BMP2K: variants seen among roughly 807,000 people sequenced by gnomAD.
The protein encoded by BMP2K is BMP2 inducible kinase.
Under a neutral mutation model 116.0 loss-of-function variants are expected in BMP2K, and 74 were observed. The ratio of observed to expected loss-of-function variants is 0.64; its 90% CI spans 0.53 to 0.77. The LOEUF (loss-of-function observed/expected upper bound fraction) is 0.77. Ranked by LOEUF, BMP2K falls within the 30% of genes least tolerant of loss-of-function variation. The pLI, the probability that BMP2K is intolerant of heterozygous loss-of-function variation, is 0.00. For synonymous variants in BMP2K, 486 were observed against 502.5 expected (o/e 0.97, Z 0.44); for missense variants, 1,365 against 1,403.6 (o/e 0.97, Z 0.44).
chr4:78,877,341 CAT>C (rs1452559923), intron 13 of BMP2K, among the ~76,000 whole-genome samples: 11 of 152,274 alleles, frequency 7.2e-5, no homozygotes, highest in Admixed American at 2.0e-4. Context: ...AAAACACAAA[CAT>C]GTACAACTGT....
chr4:78,817,567 C>T (rs914845686), intron 1 of BMP2K, among the ~76,000 whole-genome samples: 1 of 152,214 alleles, frequency 6.6e-6, no homozygotes, highest in Admixed American at 6.5e-5. Context: ...GTACACCACT[C>T]TGCCAGTACA....
At chr4:78,856,476 T>C (rs1731510235) in intron 7 of BMP2K, among the ~76,000 whole-genome samples, 1 of 152,196 alleles carries the variant, frequency 6.6e-6, no homozygotes, top group Non-Finnish European at 1.5e-5. Flanking sequence ...GTAAATTATA[T>C]TATTTAACTT....
intron 1 of BMP2K, among the ~76,000 whole-genome samples, chr4:78,822,706 A>G (rs967249872): frequency 1.1e-4 from 17 of 152,166 alleles, no homozygotes; most frequent in Admixed American, 5.9e-4. Flanking sequence ...ATATATATGT[A>G]GAGTCTGTGG....
At chr4:78,882,591 T>C (rs1001732423) in intron 14 of BMP2K, among the ~76,000 whole-genome samples, 2 of 151,924 alleles carry the variant, frequency 1.3e-5, no homozygotes, top group Non-Finnish European at 1.5e-5. Flanking sequence ...TAAACAGTAA[T>C]TAGAACATAG....
chr4:78,835,836 A>G (rs999804973), intron 3 of BMP2K, among the ~76,000 whole-genome samples: 6 of 152,242 alleles, frequency 3.9e-5, no homozygotes, highest in Non-Finnish European at 7.4e-5. Flanking sequence ...GACTTAGAAA[A>G]TCAAGGGAAG....
At chr4:78,856,512 T>A (rs1029084075) in intron 7 of BMP2K, among the ~76,000 whole-genome samples, 1 of 151,680 alleles carries the variant, frequency 6.6e-6, no homozygotes, top group Non-Finnish European at 1.5e-5. Context: ...CCTTATTGAT[T>A]TTTTTTCCTT....
At chr4:78,794,522 G>T (rs1728160614) in intron 1 of BMP2K, among the ~76,000 whole-genome samples, 1 of 152,064 alleles carries the variant, frequency 6.6e-6, no homozygotes, top group Non-Finnish European at 1.5e-5. Context: ...TTAAACTTGA[G>T]CATTAATAGT....
At chr4:78,798,115 C>T (rs747605230) in intron 1 of BMP2K, among the ~76,000 whole-genome samples, 16 of 152,212 alleles carry the variant, frequency 1.1e-4, no homozygotes, top group Non-Finnish European at 2.1e-4. Context: ...CTGCATTTGG[C>T]GGGAATGCAT....
At chr4:78,813,319 T>A (rs1340856180) in intron 1 of BMP2K, among the ~76,000 whole-genome samples, 2 of 152,182 alleles carry the variant, frequency 1.3e-5, no homozygotes, top group African/African-American at 2.4e-5. Flanking sequence ...ATTTACTGAT[T>A]TCCCTGCTTC....
chr4:78,911,656 A>T lies in BMP2K; in HGVS notation c.3109A>T (p.Thr1037Ser). 6.2e-7 allele frequency: 1 copy of T among 1,613,906 alleles called. No individual in the cohort carries two copies. The highest frequency in any genetic ancestry group is 8.5e-7 in the Non-Finnish European group (1 of 1,179,858). Residue 1037 changes from threonine (T) to serine (S), a missense_variant, in exon 16 of 16, where the codon ACC (threonine) becomes TCC (serine). Physicochemically the swap from Thr to Ser is moderately conservative, Grantham distance 58. Around this residue, in one of 3 missense-constraint regions of BMP2K, gnomAD observed 596 missense variants for 623.2 expected, o/e 0.96. Coordinates refer to ENST00000502613, the MANE Select transcript of BMP2K (RefSeq NM_198892.2). ...RDSQSSNEFL[T>S]ISDSKENISV... is the part of the protein sequence containing the mutation. ...CTCTCAAAGTAGCAATGAATTTTTA[A>T]CCATCTCAGACTCCAAGGAGAACAT... is the stretch of plus-strand genomic sequence containing the variant.
At position 78,912,229 on chromosome 4, in the gene BMP2K, A is replaced by C. The variant is rs1734677519; in HGVS notation, c.*196A>C. ...GTAACTTGATTCCTCTTCAGGAGAA[A>C]AGGGAGCTAAATTGCAAGCTCTAAC... On this transcript the variant is annotated 3_prime_UTR_variant, in exon 16 of 16. Transcript: ENST00000502613. 1.9e-6 allele frequency: 1 copy of C among 536,020 alleles called. No individual in the cohort carries two copies. The highest frequency in any genetic ancestry group is 1.9e-5 in the African/African-American group (1 of 52,282). 33.2% of individuals were successfully genotyped at this position (536,020 alleles called of 1,614,324 possible).
Position 78,833,585 on chromosome 4 carries a change from G to T in BMP2K, c.301G>T (p.Glu101Ter). 6.4e-7 allele frequency: 1 copy of T among 1,574,298 alleles called. No homozygotes were observed. The highest frequency in any genetic ancestry group is 8.6e-7 in the Non-Finnish European group (1 of 1,164,612). ...VCKREITIMK[E>*]LSGHKNIVGY... ...TCATTTTTTTTTTTCTTTCCAGAAA[G>T]AGCTATCTGGTCACAAAAATATTGT... is the stretch of plus-strand genomic sequence containing the variant. The change falls in exon 3 of 16, where the codon GAG becomes TAG. Residue 101 changes from glutamate (E) to a stop codon, truncating the protein, a stop_gained. Coordinates refer to ENST00000502613, the MANE Select transcript of BMP2K (RefSeq NM_198892.2). LOFTEE classifies it high-confidence loss of function.
intron 15 of BMP2K, among the ~76,000 whole-genome samples, chr4:78,888,599 G>A (rs1212279466): frequency 6.6e-6 from 1 of 152,204 alleles, no homozygotes; most frequent in Non-Finnish European, 1.5e-5. Context: ...GAAATGAATA[G>A]TAGAGTTAGG....
At chr4:78,781,738 CAG>C (rs1034852470) in intron 1 of BMP2K, among the ~76,000 whole-genome samples, 1 of 152,120 alleles carries the variant, frequency 6.6e-6, no homozygotes, top group East Asian at 1.9e-4. Context: ...TTTGGTAAAA[CAG>C]AAGTGCTGAG....
At chr4:78,853,789 G>A (rs1731371856) in intron 7 of BMP2K, among the ~76,000 whole-genome samples, 1 of 152,106 alleles carries the variant, frequency 6.6e-6, no homozygotes, top group Non-Finnish European at 1.5e-5. Flanking sequence ...CGGTTATTGT[G>A]AGAATTAAAT....
chr4:78,894,345 T>C (rs1327486701), intron 15 of BMP2K, among the ~76,000 whole-genome samples: 2 of 152,226 alleles, frequency 1.3e-5, no homozygotes, highest in African/African-American at 4.8e-5. Context: ...ATTGAAAATC[T>C]GTTGTTTAGT....
In BMP2K at chr4:78,916,223, T is replaced by C. The variant is rs1039700558; in HGVS notation, c.*4190T>C. 16 of 151,986 alleles carry C rather than the reference T, an allele frequency of 1.1e-4. No homozygotes were observed. The highest frequency in any genetic ancestry group is 3.6e-4 in the African/African-American group (15 of 41,438). 9.4% of individuals were successfully genotyped at this position (151,986 alleles called of 1,614,324 possible). ...TATTACTTTATTGCCTTTACACTGC[T>C]TATTCTTTTTGACTGAATTCTGTCC... On this transcript the variant is annotated 3_prime_UTR_variant, in exon 16 of 16. Transcript: ENST00000502613.
intron 1 of BMP2K, among the ~76,000 whole-genome samples, chr4:78,806,564 T>A (rs1259753622): frequency 6.6e-6 from 1 of 152,156 alleles, no homozygotes; most frequent in Non-Finnish European, 1.5e-5. Flanking sequence ...CTACCTAAAT[T>A]GCTTGGGCTA....
intron 10 of BMP2K, among the ~76,000 whole-genome samples, chr4:78,867,943 C>T (rs1477289970): frequency 6.6e-6 from 1 of 152,114 alleles, no homozygotes; most frequent in African/African-American, 2.4e-5. Flanking sequence ...GCCTGTAATC[C>T]CAGCTACTTG....
Sources: allele counts gnomAD v4.1 joint callset (sites outside exome capture counted in the v4.1 genomes callset), GRCh38; gene constraint gnomAD v4.1.1; regional missense constraint gnomAD v4.1.1; transcripts MANE v1.5; gene names NCBI Gene and HGNC (gene_info 2026-07-23, HGNC 2026-07-21).